Variants in RSAD2 observed in about 807,000 individuals in gnomAD.
RSAD2 encodes the protein radical S-adenosyl methionine domain containing 2, also known as S-adenosylmethionine-dependent nucleotide dehydratase RSAD2.
In RSAD2, 38 loss-of-function variants were observed where a neutral mutation model predicts 37.7. That is an observed-to-expected ratio of 1.01 (90% CI 0.78 to 1.32). The LOEUF is 1.32. Among genes scored for constraint, RSAD2 ranks in the 40% most tolerant of loss-of-function variants. The pLI, the probability that RSAD2 is intolerant of heterozygous loss-of-function variation, is 0.00. For missense variants in RSAD2, 428 were observed against 437.5 expected (o/e 0.98, Z 0.19); for synonymous variants, 163 against 157.4 (o/e 1.04, Z -0.27).
intron 1 of RSAD2, among the ~76,000 whole-genome samples, chr2:6,880,471 C>A (rs1377827893): frequency 1.3e-5 from 2 of 152,064 alleles, no homozygotes; most frequent in Non-Finnish European, 2.9e-5. Context: ...GCAGGCATAC[C>A]CACCCTGAAT....
At chr2:6,872,094 C>T (rs114856942) in intron 1 of RSAD2, among the ~76,000 whole-genome samples, 2,071 of 152,060 alleles carry the variant, frequency 0.014, 47 homozygotes, top group African/African-American at 0.045. Flanking sequence ...AATTAACTTT[C>T]GGTAATGGTT....
At chr2:6,890,395 C>T (rs1663606318) in intron 4 of RSAD2, 70 bp downstream of exon 4, 1 of 1,502,936 alleles carries the variant, frequency 6.7e-7, no homozygotes, top group East Asian at 2.3e-5. Flanking sequence ...GGAAGTCTCT[C>T]AGCCAAGGAC....
At chr2:6,895,219 G>A (rs1002832166) in intron 5 of RSAD2, among the ~76,000 whole-genome samples, 7 of 152,172 alleles carry the variant, frequency 4.6e-5, no homozygotes, top group Non-Finnish European at 1.0e-4. Context: ...ACCTGCCATG[G>A]AAGACTCCTC....
chr2:6,893,833 TAGTC>T (rs1282323623), intron 5 of RSAD2, 130 bp downstream of exon 5: 10 of 647,920 alleles, frequency 1.5e-5, no homozygotes, highest in Non-Finnish European at 2.5e-5. Flanking sequence ...CACAGTTTGA[TAGTC>T]AGTGATTATG....
Position 6,887,136 on chromosome 2 carries a change from T to C in RSAD2, c.710T>C (p.Ile237Thr). The C allele has an allele frequency of 6.2e-7, 1 of 1,613,898 alleles. No individual in the cohort carries two copies. The highest frequency in any genetic ancestry group is 8.5e-7 in the Non-Finnish European group (1 of 1,179,804). The change falls in exon 3 of 6, where the codon ATC becomes ACC. Residue 237 changes from isoleucine to threonine, a missense_variant. Coordinates refer to ENST00000382040, the MANE Select transcript of RSAD2 (RefSeq NM_080657.5). ...FNVEEDMTEQ[I>T]KALNPVRWKV... ...GTGGAAGAGGACATGACGGAACAGA[T>C]CAAAGCACTAAACCCTGTCCGCTGG...
At chr2:6,884,174 G>C (rs1481083418) in intron 2 of RSAD2, among the ~76,000 whole-genome samples, 1 of 152,184 alleles carries the variant, frequency 6.6e-6, no homozygotes, top group East Asian at 1.9e-4. Flanking sequence ...TGAGCTGTTG[G>C]AGCCTTGAAG....
chr2:6,892,855 A>G (rs1663660624), intron 4 of RSAD2, among the ~76,000 whole-genome samples: 1 of 152,248 alleles, frequency 6.6e-6, no homozygotes, highest in African/African-American at 2.4e-5. Context: ...CTGTTGTAGT[A>G]CAGGATGCAA....
At chr2:6,887,553 C>G (rs1011351261) in intron 3 of RSAD2, among the ~76,000 whole-genome samples, 2 of 152,178 alleles carry the variant, frequency 1.3e-5, no homozygotes, top group African/African-American at 2.4e-5. Flanking sequence ...AATTCTGATG[C>G]AGTGAATTTC....
Position 6,898,142 on chromosome 2 carries a change from G to A in RSAD2, c.*2200G>A, listed in dbSNP as rs1447389585. 6.6e-6 allele frequency: 1 copy of A among 152,116 alleles called. No individual in the cohort carries two copies. Among genetic ancestry groups the A allele is most frequent in the Non-Finnish European group, 1.5e-5 (1 of 68,028 alleles). The allele number at this position is 152,116 out of a possible 1,614,324, so 9.4% of individuals were successfully genotyped here. A position where few individuals can be genotyped will look rare whatever the true frequency, so the allele number is the denominator to read the frequency against. The stretch of plus-strand genomic sequence containing the variant: ...TTTGAAGTTTGAATCTTCTGAGTTG[G>A]AATGAATTTTTTTCTAGCTGAGGGA... On this transcript the variant is annotated 3_prime_UTR_variant, in exon 6 of 6. Transcript: ENST00000382040.
At chr2:6,871,023 G>C (rs1462347630) in intron 1 of RSAD2, among the ~76,000 whole-genome samples, 6 of 152,084 alleles carry the variant, frequency 3.9e-5, no homozygotes, top group African/African-American at 1.4e-4. Context: ...AAACTTGCCA[G>C]TCTACACACA....
chr2:6,883,967 T>C (rs529322309), intron 2 of RSAD2: 1 of 160,718 alleles, frequency 6.2e-6, no homozygotes, highest in African/African-American at 2.4e-5. Context: ...GATTCCACCA[T>C]GTAGCCAGGA....
At chr2:6,880,521 CTA>C (rs1050518218) in intron 1 of RSAD2, among the ~76,000 whole-genome samples, 15 of 152,182 alleles carry the variant, frequency 9.9e-5, no homozygotes, top group African/African-American at 3.6e-4. Flanking sequence ...TAAAGAGAAA[CTA>C]ATGTGCTTAT....
chr2:6,892,397 C>G (rs1303049058), intron 4 of RSAD2, among the ~76,000 whole-genome samples: 1 of 152,154 alleles, frequency 6.6e-6, no homozygotes, highest in African/African-American at 2.4e-5. Flanking sequence ...TTTTAAAACT[C>G]CATCTTAATA....
intron 4 of RSAD2, among the ~76,000 whole-genome samples, chr2:6,891,262 A>G (rs1442713747): frequency 6.6e-6 from 1 of 152,214 alleles, no homozygotes; most frequent in Non-Finnish European, 1.5e-5. Context: ...AGGAAATACA[A>G]AATAAAATAT....
At chr2:6,891,690 C>G (rs1463218855) in intron 4 of RSAD2, among the ~76,000 whole-genome samples, 2 of 152,112 alleles carry the variant, frequency 1.3e-5, no homozygotes, top group Non-Finnish European at 2.9e-5. Context: ...TGGTGTGAAC[C>G]CGGGAGGCGG....
upstream of RSAD2, chr2:6,877,544 T>C (rs912161729): frequency 2.0e-6 from 1 of 507,384 alleles, no homozygotes; most frequent in African/African-American, 1.9e-5. Context: ...GAGACTGTTA[T>C]AATACAAGTG....
chr2:6,874,730 T>C (rs962974532), upstream of RSAD2, among the ~76,000 whole-genome samples: 1 of 152,222 alleles, frequency 6.6e-6, no homozygotes, highest in Admixed American at 6.5e-5. Flanking sequence ...TCATTAGTTA[T>C]AGTTTGCAAT....
At position 6,897,400 on chromosome 2, in the gene RSAD2, G is replaced by T. The variant is rs936511752; in HGVS notation, c.*1458G>T. ...TCATTAAGCACCATCCAAAAAGTCTGCTTCATAATCTATTTTCAAGACTTG... is the reference window on the plus strand; with the variant it reads ...TCATTAAGCACCATCCAAAAAGTCTTCTTCATAATCTATTTTCAAGACTTG... On this transcript the variant is annotated 3_prime_UTR_variant, in exon 6 of 6. Transcript: ENST00000382040. 6.6e-6 allele frequency: 1 copy of T among 152,092 alleles called. No homozygotes were observed. The highest frequency in any genetic ancestry group is 2.4e-5 in the African/African-American group (1 of 41,408). 9.4% of individuals were successfully genotyped at this position (152,092 alleles called of 1,614,324 possible).
At chr2:6,888,563 C>G (rs981307774) in intron 3 of RSAD2, among the ~76,000 whole-genome samples, 1 of 152,180 alleles carries the variant, frequency 6.6e-6, no homozygotes, top group African/African-American at 2.4e-5. Flanking sequence ...TCATTGTTCT[C>G]TTTTGGTGTC....
Sources: allele counts gnomAD v4.1 joint callset (sites outside exome capture counted in the v4.1 genomes callset), GRCh38; gene constraint gnomAD v4.1.1; transcripts MANE v1.5; gene names NCBI Gene and HGNC (gene_info 2026-07-23, HGNC 2026-07-21).